The following MOBP variants were observed in gnomAD, a reference collection of about 807,000 sequenced individuals.
MOBP encodes the protein myelin associated oligodendrocyte basic protein.
In MOBP, 5 loss-of-function variants were observed where a neutral mutation model predicts 15.0. The observed-to-expected ratio is 0.33, with a 90% CI of 0.17 to 0.70. MOBP has a LOEUF of 0.70. Ranked by LOEUF, MOBP falls within the 30% of genes least tolerant of loss-of-function variation. The probability of loss-of-function intolerance (pLI) is 0.67; values close to 1 mark genes in which losing one functional copy is unlikely to be tolerated. For missense variants in MOBP, 188 were observed against 257.8 expected (o/e 0.73, Z 1.85); for synonymous variants, 88 against 99.0 (o/e 0.89, Z 0.66).
downstream of MOBP, among the ~76,000 whole-genome samples, chr3:39,507,987 G>A (rs1028445070): frequency 6.6e-6 from 1 of 152,134 alleles, no homozygotes; most frequent in Non-Finnish European, 1.5e-5. Context: ...TTACACCCCT[G>A]GGAAAACCCC....
chr3:39,501,984 C>A, intron 2 of MOBP, 82 bp from the exon 3 acceptor site: 1 of 1,167,560 alleles, frequency 8.6e-7, no homozygotes, highest in Non-Finnish European at 1.3e-6. Context: ...ATGGGAGTAG[C>A]AGGGGGCTTC....
intron 4 of MOBP, among the ~76,000 whole-genome samples, chr3:39,511,148 A>G (rs953199399): frequency 3.3e-5 from 5 of 152,234 alleles, no homozygotes; most frequent in Admixed American, 6.5e-5. Context: ...TGTCATCTTA[A>G]TGGTTATGAG....
chr3:39,490,130 A>G (rs2042774232), intron 2 of MOBP, among the ~76,000 whole-genome samples: 1 of 152,232 alleles, frequency 6.6e-6, no homozygotes. Context: ...GGAAAGATAA[A>G]GAATAGTGAA....
At chr3:39,469,253 T>C (rs1488263863) in intron 1 of MOBP, among the ~76,000 whole-genome samples, 1 of 144,714 alleles carries the variant, frequency 6.9e-6, no homozygotes, top group African/African-American at 2.5e-5. Context: ...TATATACATA[T>C]ATGTGTGTGT....
chr3:39,492,135 A>C (rs2125643894), intron 2 of MOBP, among the ~76,000 whole-genome samples: 1 of 152,304 alleles, frequency 6.6e-6, no homozygotes, highest in East Asian at 1.9e-4. Context: ...GATGTGAAGG[A>C]GCTGAGAGGA....
chr3:39,482,450 GAC>G lies in MOBP; in HGVS notation c.-5+2328_-5+2329del, dbSNP rs571769515. On this transcript the variant is annotated intron_variant, in intron 2 of 3. Transcript: ENST00000684792. ...GCGGATCATGAGGTCATGAGATCAA[GAC>G]CATCCTGGCAAACATGGTGAAACCC... Among the ~76,000 whole-genome samples the G allele has an allele frequency of 8.6e-4, 131 of 152,144 alleles. No individual in the cohort carries two copies. In the Middle Eastern group the frequency reaches 0.01, roughly 12 times the overall value.
intron 2 of MOBP, among the ~76,000 whole-genome samples, chr3:39,483,021 A>G (rs2042651059): frequency 6.6e-6 from 1 of 152,134 alleles, no homozygotes; most frequent in African/African-American, 2.4e-5. Context: ...AACTATATGG[A>G]CTCATTGCCA....
intron 1 of MOBP, among the ~76,000 whole-genome samples, chr3:39,474,484 A>G (rs1157293158): frequency 6.6e-6 from 1 of 152,228 alleles, no homozygotes; most frequent in Non-Finnish European, 1.5e-5. Flanking sequence ...AAATATTTGT[A>G]TGTCTAAACA....
At chr3:39,471,885 C>T (rs895880595) in intron 1 of MOBP, among the ~76,000 whole-genome samples, 1 of 152,252 alleles carries the variant, frequency 6.6e-6, no homozygotes, top group South Asian at 2.1e-4. Context: ...CCAGATCCAC[C>T]ACCTCTGCAA....
In MOBP at chr3:39,502,348, G is replaced by T; in HGVS notation, c.206+73G>T. The T allele has an allele frequency of 1.3e-6, 2 of 1,595,510 alleles. No homozygotes were observed. The highest frequency in any genetic ancestry group is 1.1e-5 in the South Asian group (1 of 89,074). On this transcript the variant is annotated intron_variant, in intron 3 of 3. Transcript: ENST00000684792. The surrounding 1 kb of genome is among the most constrained non-coding windows in gnomAD (Gnocchi z 6.3). ...TCTCGGCTCCCAGCACGCCCCTCCC[G>T]CTCCGCACCCCACTCTTCCCCCTAG...
At chr3:39,489,288 C>T (rs1374835700) in intron 2 of MOBP, among the ~76,000 whole-genome samples, 1 of 152,196 alleles carries the variant, frequency 6.6e-6, no homozygotes, top group Admixed American at 6.5e-5. Flanking sequence ...GCCCTAATCA[C>T]ATTTCAGTCA....
chr3:39,505,923 A>G (rs1453278094), downstream of MOBP, among the ~76,000 whole-genome samples: 1 of 152,134 alleles, frequency 6.6e-6, no homozygotes, highest in Non-Finnish European at 1.5e-5. Context: ...CCACAAATGG[A>G]TGAACCCCAG....
chr3:39,500,049 A>G (rs529699788), intron 2 of MOBP: 2 of 456,114 alleles, frequency 4.4e-6, no homozygotes, highest in South Asian at 3.1e-5. Flanking sequence ...ATGTCTGTGG[A>G]CATTCCTCTA....
At chr3:39,511,222 G>A (rs1458408759) in intron 4 of MOBP, among the ~76,000 whole-genome samples, 1 of 152,166 alleles carries the variant, frequency 6.6e-6, no homozygotes, top group African/African-American at 2.4e-5. Flanking sequence ...TTCACATTTG[G>A]GGACAATCTC....
chr3:39,470,181 A>G (rs1287836199), intron 1 of MOBP, among the ~76,000 whole-genome samples: 1 of 152,186 alleles, frequency 6.6e-6, no homozygotes, highest in Admixed American at 6.5e-5. Context: ...GACCTCTGGC[A>G]ACGCTGCAAA....
chr3:39,516,416 G>A (rs2043203314), downstream of MOBP, among the ~76,000 whole-genome samples: 1 of 152,140 alleles, frequency 6.6e-6, no homozygotes, highest in Non-Finnish European at 1.5e-5. Context: ...CTTTTCACTG[G>A]AAAAGAGGGA....
chr3:39,508,275 AT>A (rs1575316699), intron 4 of MOBP, among the ~76,000 whole-genome samples: 1 of 152,232 alleles, frequency 6.6e-6, no homozygotes, highest in African/African-American at 2.4e-5. Flanking sequence ...TATAATTTAC[AT>A]GTGGTAAAAT....
chr3:39,475,006 A>G (rs2042526013), intron 1 of MOBP, among the ~76,000 whole-genome samples: 1 of 152,190 alleles, frequency 6.6e-6, no homozygotes, highest in Admixed American at 6.5e-5. Context: ...TTTTACCACT[A>G]AAGTCCTATT....
Position 39,502,013 on chromosome 3 carries a change from T to C in MOBP, c.-4-53T>C. 6.7e-7 allele frequency: 1 copy of C among 1,500,484 alleles called. No individual in the cohort carries two copies. Among genetic ancestry groups the C allele is most frequent in the Non-Finnish European group, 9.3e-7 (1 of 1,079,670 alleles). The allele number at this position is 1,500,484 out of a possible 1,614,324, so 92.9% of individuals were successfully genotyped here. On this transcript the variant is annotated intron_variant, in intron 2 of 3. Coordinates refer to ENST00000684792, the MANE Select transcript of MOBP (RefSeq NM_001393704.1). This position sits in a 1 kb window ranked among gnomAD's most constrained non-coding sequence, Gnocchi z 6.3. Reference sequence around the variant, plus strand: ...GGGCTTCCAGAGTAGAGGGCTCCCTTTCCTGATGTGCGTTTATGTCTCCTC... The same window carrying C: ...GGGCTTCCAGAGTAGAGGGCTCCCTCTCCTGATGTGCGTTTATGTCTCCTC...
Sources: allele counts gnomAD v4.1 joint callset (sites outside exome capture counted in the v4.1 genomes callset), GRCh38; gene constraint gnomAD v4.1.1; non-coding constraint Gnocchi (gnomAD v3.1); transcripts MANE v1.5; gene names NCBI Gene and HGNC (gene_info 2026-07-23, HGNC 2026-07-21).